Variants in UBASH3B observed in about 807,000 individuals in gnomAD.
UBASH3B encodes the protein ubiquitin associated and SH3 domain containing B.
Under a neutral mutation model 83.4 loss-of-function variants are expected in UBASH3B, and 37 were observed. The observed-to-expected ratio is 0.44, with a 90% CI of 0.34 to 0.58. UBASH3B has a LOEUF of 0.58. Among genes scored for constraint, UBASH3B ranks in the 20% least tolerant of loss-of-function variants. UBASH3B has a pLI of 0.01. For synonymous variants in UBASH3B, 304 were observed against 318.3 expected, an observed-to-expected ratio of 0.96 and a Z score of 0.48; for missense variants, 657 against 827.2, an observed-to-expected ratio of 0.79 and a Z score of 2.52.
chr11:122,705,318 T>C (rs924203717), intron 1 of UBASH3B, among the ~76,000 whole-genome samples: 1 of 151,952 alleles, frequency 6.6e-6, no homozygotes, highest in African/African-American at 2.4e-5. Context: ...TGGTGGCATG[T>C]GCCTGTAATC....
chr11:122,735,893 C>G (rs1306692888), intron 1 of UBASH3B, among the ~76,000 whole-genome samples: 4 of 152,126 alleles, frequency 2.6e-5, no homozygotes. Flanking sequence ...ACCTTGGACA[C>G]CATCTGAAAA....
At chr11:122,726,884 A>C (rs1346049400) in intron 1 of UBASH3B, among the ~76,000 whole-genome samples, 1 of 152,242 alleles carries the variant, frequency 6.6e-6, no homozygotes, top group Admixed American at 6.5e-5. Flanking sequence ...CATGTGGGAA[A>C]GTAATAAGTA....
chr11:122,800,425 G>C (rs1024151252), intron 10 of UBASH3B, among the ~76,000 whole-genome samples: 3 of 150,466 alleles, frequency 2.0e-5, no homozygotes, highest in African/African-American at 7.3e-5. Flanking sequence ...TTGGTGGCAG[G>C]CGCCTGTAAT....
chr11:122,757,441 T>C (rs1416307765), intron 1 of UBASH3B, among the ~76,000 whole-genome samples: 1 of 152,160 alleles, frequency 6.6e-6, no homozygotes, highest in Middle Eastern at 3.2e-3. Context: ...GAAATACATT[T>C]CTATTGTCCA....
At chr11:122,699,734 C>T (rs1304897795) in intron 1 of UBASH3B, among the ~76,000 whole-genome samples, 1 of 152,052 alleles carries the variant, frequency 6.6e-6, no homozygotes, top group Admixed American at 6.6e-5. Context: ...AGGCAAATGC[C>T]ATGACAGCCA....
At chr11:122,677,861 T>C (rs996242620) in intron 1 of UBASH3B, among the ~76,000 whole-genome samples, 2 of 152,160 alleles carry the variant, frequency 1.3e-5, no homozygotes, top group Admixed American at 6.5e-5. Flanking sequence ...AACCTCTGCC[T>C]CCCAGATTCA....
intron 1 of UBASH3B, among the ~76,000 whole-genome samples, chr11:122,752,699 T>A (rs1179672363): frequency 6.6e-6 from 1 of 152,156 alleles, no homozygotes; most frequent in African/African-American, 2.4e-5. Flanking sequence ...CATGATGGAA[T>A]GAAGTATGAT....
intron 1 of UBASH3B, among the ~76,000 whole-genome samples, chr11:122,696,245 C>T (rs188172940): frequency 1.6e-3 from 237 of 151,876 alleles, no homozygotes; most frequent in African/African-American, 5.4e-3. Flanking sequence ...CTACTGCGCC[C>T]GGCCCCAAAT....
At position 122,801,229 on chromosome 11, in the gene UBASH3B, G is replaced by A. The variant is rs935171954; in HGVS notation, c.1492G>A (p.Gly498Ser). The A allele has an allele frequency of 1.2e-6, 2 of 1,614,060 alleles. No homozygotes were observed. Among genetic ancestry groups the A allele is most frequent in the Non-Finnish European group, 1.7e-6 (2 of 1,179,994 alleles). ...ENHLKIRVEP[G>S]LFEWTKWVAG... ...TCACTTGAAGATCCGTGTAGAGCCCGGCTTATTTGAGTGGACAAAATGGGT... is the reference window on the plus strand; with the variant it reads ...TCACTTGAAGATCCGTGTAGAGCCCAGCTTATTTGAGTGGACAAAATGGGT... The change falls in exon 11 of 14, where the codon GGC (glycine) becomes AGC (serine). Residue 498 changes from glycine (G) to serine (S), a missense_variant. Physicochemically the swap from Gly to Ser is moderately conservative, Grantham distance 56. Around this residue, in one of 3 missense-constraint regions of UBASH3B, gnomAD observed 573 missense variants for 739.0 expected, o/e 0.78. Coordinates refer to ENST00000284273, the MANE Select transcript of UBASH3B (RefSeq NM_032873.5).
In UBASH3B at chr11:122,771,806, C is replaced by T. The variant is rs557504741; in HGVS notation, c.162-4413C>T. Among the ~76,000 whole-genome samples, 436 of 150,500 alleles carry T rather than the reference C, an allele frequency of 2.9e-3. 1 individual carries two copies. Among genetic ancestry groups the T allele is most frequent in the Non-Finnish European group, 5.0e-3 (340 of 67,632 alleles). On this transcript the variant is annotated intron_variant, in intron 1 of 13. Transcript: ENST00000284273. ...ACACACACACTAAAATAATAATCAC[C>T]TTTTTATTCTTAAATAACCACAGCT... is the stretch of plus-strand genomic sequence containing the variant.
chr11:122,672,325 A>C (rs544883760), intron 1 of UBASH3B, among the ~76,000 whole-genome samples: 1 of 151,840 alleles, frequency 6.6e-6, no homozygotes, highest in Admixed American at 6.6e-5. Context: ...CTATTTTGTG[A>C]ACTTTTTTTT....
At chr11:122,749,849 C>T (rs2135966913) in intron 1 of UBASH3B, among the ~76,000 whole-genome samples, 1 of 152,354 alleles carries the variant, frequency 6.6e-6, no homozygotes, top group African/African-American at 2.4e-5. Flanking sequence ...TCTCGTGCCT[C>T]AGCTTCCCAA....
At chr11:122,763,339 G>T (rs1394646823) in intron 1 of UBASH3B, among the ~76,000 whole-genome samples, 1 of 152,072 alleles carries the variant, frequency 6.6e-6, no homozygotes, top group Non-Finnish European at 1.5e-5. Context: ...CCTCCTATAT[G>T]GGCTGCTGGG....
At chr11:122,709,062 C>T (rs1181485704) in intron 1 of UBASH3B, among the ~76,000 whole-genome samples, 1 of 152,164 alleles carries the variant, frequency 6.6e-6, no homozygotes, top group Non-Finnish European at 1.5e-5. Context: ...GCCTGGGCAA[C>T]ATGGTGAAAC....
chr11:122,745,987 C>T (rs1861111779), intron 1 of UBASH3B, among the ~76,000 whole-genome samples: 1 of 152,250 alleles, frequency 6.6e-6, no homozygotes, highest in South Asian at 2.1e-4. Flanking sequence ...TTGTCTATCA[C>T]TGAAGTTCCC....
Position 122,786,483 on chromosome 11 carries a change from C to T in UBASH3B, c.772-2617C>T, listed in dbSNP as rs180771816. Among the ~76,000 whole-genome samples the T allele has an allele frequency of 2.9e-3, 434 of 152,154 alleles. 1 individual carries two copies. Among genetic ancestry groups the T allele is most frequent in the Admixed American group, 5.0e-3 (76 of 15,296 alleles). ...ACCAGCCTGGCCAACACAGTGAAAC[C>T]TCGTCTCTACTAAAAATACAAAAAT... On this transcript the variant is annotated intron_variant, in intron 5 of 13. Transcript: ENST00000284273.
chr11:122,809,644 T>C, intron 13 of UBASH3B, 105 bp from the exon 14 acceptor site: 1 of 1,233,794 alleles, frequency 8.1e-7, no homozygotes, highest in Non-Finnish European at 1.1e-6. Context: ...TATCCATTTC[T>C]GACTGCAATT....
chr11:122,747,976 AT>A (rs1219367763), intron 1 of UBASH3B, among the ~76,000 whole-genome samples: 1 of 152,256 alleles, frequency 6.6e-6, no homozygotes, highest in Non-Finnish European at 1.5e-5. Flanking sequence ...AGCATAGTAC[AT>A]ACACCACGTT....
chr11:122,757,681 C>T (rs149512772), intron 1 of UBASH3B, among the ~76,000 whole-genome samples: 3 of 151,172 alleles, frequency 2.0e-5, no homozygotes, highest in African/African-American at 7.3e-5. Context: ...GCTCAGAAGC[C>T]CAATGGGAAG....
Sources: allele counts gnomAD v4.1 joint callset (sites outside exome capture counted in the v4.1 genomes callset), GRCh38; gene constraint gnomAD v4.1.1; regional missense constraint gnomAD v4.1.1; transcripts MANE v1.5; gene names NCBI Gene and HGNC (gene_info 2026-07-23, HGNC 2026-07-21).